The following ATP8A2 variants were observed in gnomAD, a reference collection of about 807,000 sequenced individuals.
ATP8A2 encodes phospholipid-transporting ATPase IB.
ATP8A2 carries 100 observed loss-of-function variants against 165.6 expected under a neutral mutation model. The observed-to-expected ratio is 0.60, with a 90% CI of 0.51 to 0.71. ATP8A2 has a LOEUF of 0.71. Ranked by LOEUF, ATP8A2 falls within the 30% of genes least tolerant of loss-of-function variation. The pLI is 0.00. For synonymous variants in ATP8A2, 543 were observed against 548.8 expected (o/e 0.99, Z 0.15); for missense variants, 1,227 against 1,479.5 (o/e 0.83, Z 2.80).
intron 1 of ATP8A2, among the ~76,000 whole-genome samples, chr13:25,399,566 T>A (rs1347281965): frequency 5.0e-4 from 1 of 2,008 alleles, no homozygotes. Context: ...GCCCGGCTAA[T>A]TTTTTTTTTG....
chr13:25,924,023 A>C (rs2139042140), intron 33 of ATP8A2, among the ~76,000 whole-genome samples: 1 of 152,324 alleles, frequency 6.6e-6, no homozygotes, highest in East Asian at 1.9e-4. Flanking sequence ...TGGGGAAACC[A>C]GTACTAGCCA....
intron 33 of ATP8A2, among the ~76,000 whole-genome samples, chr13:25,910,003 G>A (rs776739596): frequency 8.5e-5 from 13 of 152,088 alleles, no homozygotes; most frequent in African/African-American, 1.2e-4. Context: ...ATAATGCTCC[G>A]TCTTGTATTG....
intron 2 of ATP8A2, among the ~76,000 whole-genome samples, chr13:25,522,148 A>G (rs973891848): frequency 2.6e-5 from 4 of 152,270 alleles, no homozygotes; most frequent in African/African-American, 9.6e-5. Context: ...TTATTTCATC[A>G]GTGTATTAAT....
intron 15 of ATP8A2, among the ~76,000 whole-genome samples, chr13:25,562,159 A>T (rs2039176270): frequency 6.6e-6 from 1 of 152,082 alleles, no homozygotes; most frequent in Non-Finnish European, 1.5e-5. Flanking sequence ...ACTGGGTCGT[A>T]TGGTAATTCT....
At chr13:25,527,090 T>A (rs1350745096) in intron 2 of ATP8A2, among the ~76,000 whole-genome samples, 3 of 152,160 alleles carry the variant, frequency 2.0e-5, no homozygotes, top group Admixed American at 2.0e-4. Context: ...TTTTGGGATA[T>A]TTGTGGTGAT....
chr13:25,548,941 A>G (rs939011751), intron 10 of ATP8A2, among the ~76,000 whole-genome samples: 2 of 152,202 alleles, frequency 1.3e-5, no homozygotes, highest in Admixed American at 6.5e-5. Flanking sequence ...GGAGCTTAGG[A>G]GTGAATTGCC....
chr13:25,729,816 T>C (rs1392342658), intron 25 of ATP8A2, among the ~76,000 whole-genome samples: 1 of 152,184 alleles, frequency 6.6e-6, no homozygotes, highest in Non-Finnish European at 1.5e-5. Flanking sequence ...AAAGAAACAT[T>C]GTTCGGGATG....
At chr13:26,006,451 A>T (rs929600029) in intron 35 of ATP8A2, among the ~76,000 whole-genome samples, 3 of 152,044 alleles carry the variant, frequency 2.0e-5, no homozygotes, top group Non-Finnish European at 2.9e-5. Context: ...CATGTCATGT[A>T]CAAATAGAGA....
Position 25,847,897 on chromosome 13 carries a change from C to G in ATP8A2, c.2956+8273C>G, listed in dbSNP as rs530158069. On this transcript the variant is annotated intron_variant, in intron 30 of 36. Transcript: ENST00000381655. ...CTTTATCAAACTCTCACCCACTGAG[C>G]AGGTGTTCCCTTTGCCCAGCAGCAC... Among the ~76,000 whole-genome samples the G allele has an allele frequency of 5.3e-5, 8 of 152,276 alleles. No individual in the cohort carries two copies. In the South Asian group the frequency reaches 1.7e-3, roughly 32 times the overall value.
intron 2 of ATP8A2, among the ~76,000 whole-genome samples, chr13:25,524,611 GTAGTCCGT>G (rs995047986): frequency 6.6e-6 from 1 of 151,928 alleles, no homozygotes; most frequent in African/African-American, 2.4e-5. Context: ...TCTTTGACTT[GTAGTCCGT>G]TTTGTGTATT....
rs145278213 is a variant in ATP8A2 at position 25,571,096 on chromosome 13, C to T, written c.1579+224C>T. ...TTTTTTAACAGCAAAGGGAGGACCC[C>T]GGTTATGTTGCATCTCCCAGCAGAG... is the stretch of plus-strand genomic sequence containing the variant. On this transcript the variant is annotated intron_variant, in intron 17 of 36. Transcript: ENST00000381655. Among the ~76,000 whole-genome samples the T allele has an allele frequency of 4.8e-3, 726 of 152,256 alleles. 7 individuals are homozygous for T. The highest frequency in any genetic ancestry group is 7.8e-3 in the Non-Finnish European group (532 of 68,016).
intron 1 of ATP8A2, among the ~76,000 whole-genome samples, chr13:25,449,929 T>C (rs2035167089): frequency 6.6e-6 from 1 of 152,184 alleles, no homozygotes; most frequent in Admixed American, 6.5e-5. Flanking sequence ...ATCACCCAGG[T>C]ATTAAGCCTA....
chr13:25,757,892 C>T (rs1291135660), intron 25 of ATP8A2, among the ~76,000 whole-genome samples: 1 of 152,104 alleles, frequency 6.6e-6, no homozygotes, highest in Admixed American at 6.5e-5. Context: ...CAGTGACTAG[C>T]TCTATTCTGA....
At chr13:25,827,443 C>G (rs1353387752) in intron 27 of ATP8A2, among the ~76,000 whole-genome samples, 1 of 152,210 alleles carries the variant, frequency 6.6e-6, no homozygotes, top group Non-Finnish European at 1.5e-5. Context: ...GTCATGTACA[C>G]TAATTATATC....
chr13:25,904,311 A>G (rs1184419118), intron 33 of ATP8A2, among the ~76,000 whole-genome samples: 1 of 152,216 alleles, frequency 6.6e-6, no homozygotes, highest in Non-Finnish European at 1.5e-5. Flanking sequence ...CCGGTAATCC[A>G]CTGCCCAGCT....
intron 21 of ATP8A2, among the ~76,000 whole-genome samples, 155 bp downstream of exon 21, chr13:25,579,054 A>G (rs2039696787): frequency 6.6e-6 from 1 of 152,166 alleles, no homozygotes; most frequent in South Asian, 2.1e-4. Context: ...AAACTCATTT[A>G]CCTGTAGATG....
chr13:25,916,956 G>C (rs1954286116), intron 33 of ATP8A2, among the ~76,000 whole-genome samples: 1 of 152,096 alleles, frequency 6.6e-6, no homozygotes, highest in African/African-American at 2.4e-5. Flanking sequence ...ATAATATCCA[G>C]GGTCCATATA....
At chr13:25,531,291 TATATATGTTATATATG>T (rs1179287160) in intron 4 of ATP8A2, among the ~76,000 whole-genome samples, 742 of 65,378 alleles carry the variant, frequency 0.011, 16 homozygotes, top group Middle Eastern at 0.05. Flanking sequence ...TTATATATGA[TATATATGTTATATATG>T]ATATATATGT....
chr13:25,376,499 C>T (rs1200674438), intron 1 of ATP8A2, among the ~76,000 whole-genome samples: 4 of 152,198 alleles, frequency 2.6e-5, no homozygotes, highest in African/African-American at 9.7e-5. Flanking sequence ...GGTTTTAACA[C>T]TGTCATTTCT....
Sources: gnomAD v4.1 joint callset for allele counts (sites outside exome capture counted in the v4.1 genomes callset) on GRCh38, gnomAD v4.1.1 for gene constraint, MANE v1.5 for transcripts, NCBI Gene and HGNC (gene_info 2026-07-23, HGNC 2026-07-21) for gene names.